The following TBC1D22B variants were observed in gnomAD, a reference collection of about 807,000 sequenced individuals.
The protein encoded by TBC1D22B is chromosome 6 open reading frame 197.
Under a neutral mutation model 69.1 loss-of-function variants are expected in TBC1D22B, and 32 were observed. That is an observed-to-expected ratio of 0.46 (90% confidence interval 0.35 to 0.62). TBC1D22B has a LOEUF of 0.62. TBC1D22B is among the 20% of genes least tolerant of loss of function. The probability of loss-of-function intolerance (pLI) is 0.00; values close to 1 mark genes in which losing one functional copy is unlikely to be tolerated. For synonymous variants in TBC1D22B, 206 were observed against 229.8 expected, an observed-to-expected ratio of 0.90 and a Z score of 0.94; for missense variants, 462 against 630.9, an observed-to-expected ratio of 0.73 and a Z score of 2.87.
At chr6:37,301,993 C>T (rs992174631) in intron 8 of TBC1D22B, among the ~76,000 whole-genome samples, 6 of 152,274 alleles carry the variant, frequency 3.9e-5, no homozygotes, top group South Asian at 4.1e-4. Flanking sequence ...CTAGTGGAGC[C>T]GTGGGGTCCA....
intron 12 of TBC1D22B, among the ~76,000 whole-genome samples, chr6:37,321,375 G>A (rs148773612): frequency 3.0e-4 from 46 of 152,172 alleles, no homozygotes; most frequent in South Asian, 8.3e-4. Flanking sequence ...ATCTGCTTAG[G>A]TTTCCACCTC....
At chr6:37,293,579 C>T (rs1219178772) in intron 8 of TBC1D22B, among the ~76,000 whole-genome samples, 1 of 152,078 alleles carries the variant, frequency 6.6e-6, no homozygotes, top group Non-Finnish European at 1.5e-5. Flanking sequence ...TTCCCTGAGA[C>T]ACAACAATAT....
chr6:37,270,062 CTAGGGCAACAGAATATAACTG>C (rs1397760926), intron 2 of TBC1D22B, among the ~76,000 whole-genome samples: 1 of 152,146 alleles, frequency 6.6e-6, no homozygotes, highest in African/African-American at 2.4e-5. Flanking sequence ...ACTATGAGAA[CTAGGGCAACAGAATATAACTG>C]TAGGCTGGCA....
intron 8 of TBC1D22B, among the ~76,000 whole-genome samples, chr6:37,303,267 C>G (rs1396280273): frequency 6.6e-6 from 1 of 152,106 alleles, no homozygotes; most frequent in Non-Finnish European, 1.5e-5. Context: ...TCCTCAGACT[C>G]GGTGTTTGGC....
At chr6:37,272,551 C>G (rs1427529222) in intron 2 of TBC1D22B, among the ~76,000 whole-genome samples, 1 of 151,942 alleles carries the variant, frequency 6.6e-6, no homozygotes, top group East Asian at 1.9e-4. Context: ...CCATGCCTGG[C>G]TAATTTTTGT....
chr6:37,289,211 A>G (rs368082368), intron 7 of TBC1D22B, among the ~76,000 whole-genome samples: 13 of 152,244 alleles, frequency 8.5e-5, no homozygotes, highest in Admixed American at 7.2e-4. Context: ...AAAAATGCCA[A>G]CCAAGAAGCA....
chr6:37,258,113 C>A, intron 1 of TBC1D22B, 140 bp downstream of exon 1: 4 of 954,756 alleles, frequency 4.2e-6, no homozygotes, highest in Admixed American at 3.1e-5. Flanking sequence ...GGCGGCAGGG[C>A]AGCTGTCAGG....
intron 8 of TBC1D22B, among the ~76,000 whole-genome samples, chr6:37,296,469 G>T (rs759860514): frequency 4.6e-5 from 7 of 151,932 alleles, no homozygotes; most frequent in African/African-American, 1.7e-4. Context: ...TCACCTCAGC[G>T]TCCTGGATAG....
intron 8 of TBC1D22B, among the ~76,000 whole-genome samples, chr6:37,306,648 A>G (rs1767726503): frequency 6.6e-6 from 1 of 152,210 alleles, no homozygotes; most frequent in Non-Finnish European, 1.5e-5. Flanking sequence ...TAAAAGTAAT[A>G]CAGCAACCTA....
chr6:37,292,720 A>G (rs1459233099), intron 8 of TBC1D22B, among the ~76,000 whole-genome samples: 1 of 152,232 alleles, frequency 6.6e-6, no homozygotes, highest in Non-Finnish European at 1.5e-5. Context: ...CCAGTTAAAA[A>G]TAATCCTCAG....
chr6:37,265,658 A>G (rs1766248882), intron 1 of TBC1D22B, among the ~76,000 whole-genome samples: 1 of 151,906 alleles, frequency 6.6e-6, no homozygotes, highest in South Asian at 2.1e-4. Flanking sequence ...AAACACATCA[A>G]TTAGTATTGT....
chr6:37,301,194 C>G (rs982026163), intron 8 of TBC1D22B, among the ~76,000 whole-genome samples: 1 of 152,118 alleles, frequency 6.6e-6, no homozygotes, highest in Admixed American at 6.6e-5. Context: ...ATTGGAGTTG[C>G]AATAAATTTA....
chr6:37,323,602 A>G (rs1400333421), intron 12 of TBC1D22B, among the ~76,000 whole-genome samples: 1 of 152,232 alleles, frequency 6.6e-6, no homozygotes, highest in African/African-American at 2.4e-5. Context: ...GAGACAGGTC[A>G]GGGTTATTAA....
At chr6:37,286,859 G>A (rs1767021424) in intron 6 of TBC1D22B, 148 bp from the exon 7 acceptor site, 8 of 617,792 alleles carry the variant, frequency 1.3e-5, no homozygotes, top group South Asian at 3.9e-5. Context: ...CAGGAGAATC[G>A]CTTGAACCCT....
In TBC1D22B at chr6:37,278,407, G is replaced by T. The variant is rs140974526; in HGVS notation, c.114-897G>T. Among the ~76,000 whole-genome samples, 360 of 152,252 alleles carry T rather than the reference G, an allele frequency of 2.4e-3. 1 individual carries two copies. The highest frequency in any genetic ancestry group is 7.9e-3 in the African/African-American group (328 of 41,556). On this transcript the variant is annotated intron_variant, in intron 2 of 12. Coordinates refer to ENST00000373491, the MANE Select transcript of TBC1D22B (RefSeq NM_017772.4). Reference sequence around the variant, plus strand: ...TATGTGGACTACCTAAAATTATCTTGTTTTCTGCCAGTAGTTTATGTGCTG... The same window carrying T: ...TATGTGGACTACCTAAAATTATCTTTTTTTCTGCCAGTAGTTTATGTGCTG...
At chr6:37,326,756 C>G (rs1285976027) in intron 12 of TBC1D22B, among the ~76,000 whole-genome samples, 2 of 151,886 alleles carry the variant, frequency 1.3e-5, no homozygotes, top group East Asian at 3.9e-4. Context: ...CCACTGCACT[C>G]CAGCCTGGGT....
chr6:37,315,045 G>C (rs1429632867), intron 10 of TBC1D22B, among the ~76,000 whole-genome samples: 1 of 152,188 alleles, frequency 6.6e-6, no homozygotes, highest in Non-Finnish European at 1.5e-5. Context: ...GCCTAGCACA[G>C]AGTGTATGCT....
At chr6:37,292,494 A>G (rs1010901755) in intron 8 of TBC1D22B, among the ~76,000 whole-genome samples, 2 of 152,136 alleles carry the variant, frequency 1.3e-5, no homozygotes, top group Admixed American at 6.5e-5. Context: ...CCCCGCCTTA[A>G]TAGATCAACT....
At chr6:37,274,437 C>T (rs1392703851) in intron 2 of TBC1D22B, among the ~76,000 whole-genome samples, 1 of 152,216 alleles carries the variant, frequency 6.6e-6, no homozygotes, top group African/African-American at 2.4e-5. Flanking sequence ...GTACTCATCA[C>T]CAAACACTTT....
Sources: gnomAD v4.1 joint callset for allele counts (sites outside exome capture counted in the v4.1 genomes callset) on GRCh38, gnomAD v4.1.1 for gene constraint, MANE v1.5 for transcripts, NCBI Gene and HGNC (gene_info 2026-07-23, HGNC 2026-07-21) for gene names.